ATRNL1: variants seen among roughly 807,000 people sequenced by gnomAD.
The protein encoded by ATRNL1 is attractin-like protein 1.
ATRNL1 carries 95 observed loss-of-function variants against 182.7 expected under a neutral mutation model. The ratio of observed to expected loss-of-function variants is 0.52; its 90% CI spans 0.44 to 0.62. ATRNL1 has a LOEUF of 0.62. Ranked by LOEUF, ATRNL1 falls within the 20% of genes least tolerant of loss-of-function variation. The pLI is 0.00. For synonymous variants in ATRNL1, 576 were observed against 568.3 expected, an observed-to-expected ratio of 1.01 and a Z score of -0.19; for missense variants, 1,471 against 1,679.5, an observed-to-expected ratio of 0.88 and a Z score of 2.17.
intron 26 of ATRNL1, among the ~76,000 whole-genome samples, chr10:115,672,059 C>A (rs538309124): frequency 1.3e-5 from 2 of 152,118 alleles, no homozygotes; most frequent in East Asian, 3.9e-4. Context: ...GACCTCTAAA[C>A]AAGTCAATAA....
chr10:115,311,277 C>G (rs1441839646), intron 17 of ATRNL1, among the ~76,000 whole-genome samples: 2 of 151,272 alleles, frequency 1.3e-5, no homozygotes, highest in Non-Finnish European at 2.9e-5. Flanking sequence ...GCAACCTCCA[C>G]CTCCCGGATT....
chr10:115,257,787 T>A (rs1390229884), intron 10 of ATRNL1, among the ~76,000 whole-genome samples: 1 of 152,232 alleles, frequency 6.6e-6, no homozygotes, highest in Non-Finnish European at 1.5e-5. Flanking sequence ...TCAGGAGCTC[T>A]TGTAAGGCAG....
chr10:115,546,970 T>C (rs1554993894), intron 25 of ATRNL1, among the ~76,000 whole-genome samples: 1 of 152,112 alleles, frequency 6.6e-6, no homozygotes, highest in African/African-American at 2.4e-5. Context: ...AGTTAGAATA[T>C]TGGCCAGGTG....
At chr10:115,408,898 C>T (rs1844996214) in intron 20 of ATRNL1, among the ~76,000 whole-genome samples, 1 of 152,038 alleles carries the variant, frequency 6.6e-6, no homozygotes, top group Non-Finnish European at 1.5e-5. Flanking sequence ...TATGTAATTT[C>T]TGTGTTCTCC....
chr10:115,943,488 T>C, intron 28 of ATRNL1, among the ~76,000 whole-genome samples: 1 of 152,214 alleles, frequency 6.6e-6, no homozygotes, highest in Non-Finnish European at 1.5e-5. Flanking sequence ...CACACACCTA[T>C]TAGAATGGCT....
intron 8 of ATRNL1, among the ~76,000 whole-genome samples, chr10:115,182,242 T>C (rs1274383242): frequency 6.6e-6 from 1 of 151,564 alleles, no homozygotes; most frequent in East Asian, 1.9e-4. Context: ...TATTGAATCA[T>C]GATAAATGCT....
At position 115,461,979 on chromosome 10, in the gene ATRNL1, T is replaced by C; in HGVS notation, c.3361T>C (p.Leu1121=). 1.2e-6 allele frequency: 2 copies of C among 1,611,534 alleles called. No homozygotes were observed. Among genetic ancestry groups the C allele is most frequent in the Non-Finnish European group, 1.7e-6 (2 of 1,178,644 alleles). The change falls in exon 22 of 29, where the codon TTA becomes CTA. Residue 1121 remains leucine, a synonymous_variant. Coordinates refer to ENST00000355044, the MANE Select transcript of ATRNL1 (RefSeq NM_207303.4). The part of the protein sequence containing the change: ...LIDYQFTFSL[L]QEDDRHHTAI... ...TGATTATCAATTTACCTTCAGCTTA[T>C]TACAGGAAGATGATCGCCACCATAC...
chr10:115,463,177 G>T (rs1447463638), intron 22 of ATRNL1, among the ~76,000 whole-genome samples: 2 of 151,394 alleles, frequency 1.3e-5, no homozygotes, highest in African/African-American at 4.8e-5. Context: ...TAGTTCACTG[G>T]ACTTGCTGAC....
At chr10:115,483,127 A>G (rs1305900189) in intron 24 of ATRNL1, among the ~76,000 whole-genome samples, 1 of 151,388 alleles carries the variant, frequency 6.6e-6, no homozygotes, top group Non-Finnish European at 1.5e-5. Context: ...CCCTGTGCTA[A>G]TGGAAAAAGA....
intron 9 of ATRNL1, among the ~76,000 whole-genome samples, chr10:115,226,109 A>G (rs1415180861): frequency 3.3e-5 from 5 of 151,850 alleles, no homozygotes; most frequent in Non-Finnish European, 7.4e-5. Flanking sequence ...AATTCCACAG[A>G]CAGACCTATA....
chr10:115,154,086 A>G (rs2143935514), intron 5 of ATRNL1, among the ~76,000 whole-genome samples: 1 of 151,212 alleles, frequency 6.6e-6, no homozygotes, highest in South Asian at 2.1e-4. Context: ...AGCTTGTTAT[A>G]ACTTCTGTTC....
At chr10:115,312,243 T>C (rs911619388) in intron 17 of ATRNL1, among the ~76,000 whole-genome samples, 2 of 152,202 alleles carry the variant, frequency 1.3e-5, no homozygotes, top group Admixed American at 1.3e-4. Flanking sequence ...CTGGTACATA[T>C]TGACCTTTCA....
intron 20 of ATRNL1, among the ~76,000 whole-genome samples, chr10:115,421,664 A>G (rs572853531): frequency 2.6e-5 from 4 of 152,294 alleles, no homozygotes; most frequent in African/African-American, 9.6e-5. Context: ...CTATCAAACT[A>G]TGACATTCTT....
chr10:115,104,936 A>G (rs558094327), intron 1 of ATRNL1, among the ~76,000 whole-genome samples: 81 of 151,558 alleles, frequency 5.3e-4, no homozygotes, highest in Non-Finnish European at 7.8e-4. Flanking sequence ...TGCCAGTACC[A>G]TGCTGCTTTG....
rs930459491 is a variant in ATRNL1 at position 115,332,588 on chromosome 10, C to T, written c.3038-1694C>T. On this transcript the variant is annotated intron_variant, in intron 18 of 28. Coordinates refer to ENST00000355044, the MANE Select transcript of ATRNL1 (RefSeq NM_207303.4). ...AGTTTAAAAACATTATAATTATTCTCAATTTCATAAAGAGGATGATGAGCA... is the reference window on the plus strand; with the variant it reads ...AGTTTAAAAACATTATAATTATTCTTAATTTCATAAAGAGGATGATGAGCA... 5.9e-5 allele frequency among the ~76,000 whole-genome samples: 9 copies of T among 152,250 alleles called. No homozygotes were observed. In the East Asian group the frequency reaches 1.7e-3, roughly 29 times the overall value.
intron 27 of ATRNL1, among the ~76,000 whole-genome samples, chr10:115,736,331 A>T (rs2532711): frequency 0.95 from 144,101 of 152,130 alleles, 68,724 homozygotes; most frequent in East Asian, 1. Flanking sequence ...TTGGATTACT[A>T]TCAACACATA....
intron 26 of ATRNL1, among the ~76,000 whole-genome samples, chr10:115,718,203 A>G (rs1045496138): frequency 2.6e-5 from 4 of 152,180 alleles, no homozygotes; most frequent in Admixed American, 2.6e-4. Flanking sequence ...GCCTATTCTG[A>G]TTAACTATTC....
rs181075685 is a variant in ATRNL1, at chr10:115,947,278, A to C, written c.*2499A>C. The stretch of plus-strand genomic sequence containing the variant: ...TTTCATTTTTTTTAAATCAAACCAC[A>C]CAAATATGCAGATACTTTCCCAGAA... On this transcript the variant is annotated 3_prime_UTR_variant, in exon 29 of 29. Coordinates refer to ENST00000355044, the MANE Select transcript of ATRNL1 (RefSeq NM_207303.4). The C allele has an allele frequency of 3.0e-4, 46 of 152,706 alleles. No homozygotes were observed. Among genetic ancestry groups the C allele is most frequent in the African/African-American group, 1.1e-3 (46 of 41,556 alleles). The allele number at this position is 152,706 out of a possible 1,614,324, so 9.5% of individuals were successfully genotyped here.
At chr10:115,237,363 T>A (rs782102315) in intron 9 of ATRNL1, among the ~76,000 whole-genome samples, 1 of 152,184 alleles carries the variant, frequency 6.6e-6, no homozygotes, top group Non-Finnish European at 1.5e-5. Context: ...CAGCGATGAA[T>A]GAGAGTTCCT....
Sources: allele counts gnomAD v4.1 joint callset (sites outside exome capture counted in the v4.1 genomes callset), GRCh38; gene constraint gnomAD v4.1.1; transcripts MANE v1.5; gene names NCBI Gene and HGNC (gene_info 2026-07-23, HGNC 2026-07-21).